COLEC10: variants seen among roughly 807,000 people sequenced by gnomAD.
The protein encoded by COLEC10 is collectin-10.
COLEC10 carries 22 observed loss-of-function variants against 28.4 expected under a neutral mutation model. The ratio of observed to expected loss-of-function variants is 0.78; its 90% CI spans 0.55 to 1.11. The LOEUF (loss-of-function observed/expected upper bound fraction) is 1.11. Ranked by LOEUF, COLEC10 falls within the 50% of genes least tolerant of loss-of-function variation. COLEC10 has a pLI of 0.00. For missense variants in COLEC10, 361 were observed against 344.1 expected (o/e 1.05, Z -0.39); for synonymous variants, 125 against 116.1 (o/e 1.08, Z -0.49).
At chr8:119,062,019 A>G (rs1814864700) in intron 2 of COLEC10, among the ~76,000 whole-genome samples, 1 of 152,188 alleles carries the variant, frequency 6.6e-6, no homozygotes, top group Non-Finnish European at 1.5e-5. Flanking sequence ...AAAAAAACCA[A>G]CACCACAATT....
the COLEC10 span, among the ~76,000 whole-genome samples, chr8:118,989,350 A>C: frequency 6.6e-6 from 1 of 152,104 alleles, no homozygotes; most frequent in Non-Finnish European, 1.5e-5. Context: ...GAAAATCCAA[A>C]CTATGTGACA....
intron 2 of COLEC10, among the ~76,000 whole-genome samples, chr8:119,049,803 A>G (rs1399566258): frequency 1.3e-5 from 2 of 152,202 alleles, no homozygotes; most frequent in Non-Finnish European, 2.9e-5. Context: ...CCTGCAAATG[A>G]ATCATACTAT....
At chr8:118,998,550 AG>A (rs1813632291) in intron 1 of COLEC10, among the ~76,000 whole-genome samples, 1 of 152,070 alleles carries the variant, frequency 6.6e-6, no homozygotes, top group Non-Finnish European at 1.5e-5. Flanking sequence ...TAAAAATTTA[AG>A]AACTTGGCCA....
the COLEC10 span, among the ~76,000 whole-genome samples, chr8:118,962,565 T>C: frequency 6.6e-6 from 1 of 152,204 alleles, no homozygotes; most frequent in Non-Finnish European, 1.5e-5. Flanking sequence ...GCATATTCAA[T>C]ACCTCCCAAC....
At chr8:119,099,172 T>C (rs17179583) in intron 3 of COLEC10, among the ~76,000 whole-genome samples, 15,921 of 152,082 alleles carry the variant, frequency 0.1, 1,097 homozygotes, top group Middle Eastern at 0.19. Context: ...ATTCAACTTT[T>C]AGACAGTTAT....
chr8:118,963,936 TG>T, the COLEC10 span, among the ~76,000 whole-genome samples: 1 of 152,110 alleles, frequency 6.6e-6, no homozygotes, highest in Admixed American at 6.5e-5. Context: ...TTGCCCTCCT[TG>T]GGGGGATGCA....
chr8:119,048,260 T>C (rs897842866), intron 2 of COLEC10, among the ~76,000 whole-genome samples: 1 of 152,238 alleles, frequency 6.6e-6, no homozygotes, highest in Non-Finnish European at 1.5e-5. Flanking sequence ...TTTCTGTTCC[T>C]GCATTAACTC....
chr8:118,987,586 A>G, the COLEC10 span, among the ~76,000 whole-genome samples: 1 of 152,172 alleles, frequency 6.6e-6, no homozygotes, highest in Non-Finnish European at 1.5e-5. Flanking sequence ...AGAAAGACTG[A>G]TTACATACTC....
chr8:119,091,320 G>A (rs901393210), intron 3 of COLEC10, 100 bp downstream of exon 3: 2 of 830,922 alleles, frequency 2.4e-6, no homozygotes, highest in Non-Finnish European at 3.9e-6. Context: ...GACCGAGGTG[G>A]GAGGATACCT....
chr8:119,062,845 T>G (rs901511265), upstream of COLEC10: 1 of 152,216 alleles, frequency 6.6e-6, no homozygotes, highest in Non-Finnish European at 1.5e-5. Context: ...ATTATGTGTT[T>G]GCATGTTACT....
chr8:119,078,302 A>G (rs1815296104), intron 1 of COLEC10, among the ~76,000 whole-genome samples: 1 of 152,198 alleles, frequency 6.6e-6, no homozygotes, highest in South Asian at 2.1e-4. Context: ...TATCTGATCC[A>G]GTCAACCAAA....
the COLEC10 span, among the ~76,000 whole-genome samples, chr8:118,978,348 C>A: frequency 2.0e-5 from 3 of 152,036 alleles, no homozygotes; most frequent in South Asian, 6.2e-4. Context: ...AAATATCCAA[C>A]CAAAATTTGA....
At chr8:118,975,882 T>C in the COLEC10 span, among the ~76,000 whole-genome samples, 1 of 152,010 alleles carries the variant, frequency 6.6e-6, no homozygotes, top group South Asian at 2.1e-4. Context: ...ACCGTGACCT[T>C]GAGCTGACCA....
At chr8:119,058,204 A>T (rs1041735811) in intron 2 of COLEC10, among the ~76,000 whole-genome samples, 3 of 152,036 alleles carry the variant, frequency 2.0e-5, no homozygotes, top group Admixed American at 2.0e-4. Flanking sequence ...GAGAATTATA[A>T]CTATTCCAAG....
At position 119,072,827 on chromosome 8, in the gene COLEC10, C is replaced by T. The variant is rs188574868; in HGVS notation, c.148+5398C>T. On this transcript the variant is annotated intron_variant, in intron 1 of 5. Coordinates refer to ENST00000332843, the MANE Select transcript of COLEC10 (RefSeq NM_006438.5). ...GAGTAAAGCCTTACAGCACTCACCCCTATCCTCTGGGATAATTCCTTTCTC... is the reference window on the plus strand; with the variant it reads ...GAGTAAAGCCTTACAGCACTCACCCTTATCCTCTGGGATAATTCCTTTCTC... Among the ~76,000 whole-genome samples the T allele has an allele frequency of 7.0e-3, 1,067 of 152,336 alleles. 11 individuals are homozygous for T. The highest frequency in any genetic ancestry group is 0.012 in the Non-Finnish European group (831 of 68,026).
intron 5 of COLEC10, 87 bp from the exon 6 acceptor site, chr8:119,105,713 T>C (rs1815923206): frequency 1.7e-6 from 2 of 1,190,528 alleles, no homozygotes; most frequent in African/African-American, 1.6e-5. Flanking sequence ...ATTGAATAAA[T>C]AAATGTAAAT....
At chr8:119,045,318 G>A (rs1265035014) in intron 2 of COLEC10, among the ~76,000 whole-genome samples, 1 of 152,194 alleles carries the variant, frequency 6.6e-6, no homozygotes. Context: ...GGCAAACCAA[G>A]ACTCTGCATA....
intron 1 of COLEC10, among the ~76,000 whole-genome samples, chr8:119,006,544 A>G (rs1813801191): frequency 6.6e-6 from 1 of 152,058 alleles, no homozygotes; most frequent in Non-Finnish European, 1.5e-5. Flanking sequence ...CACTTAACAA[A>G]GGGGCTGACA....
the COLEC10 span, among the ~76,000 whole-genome samples, chr8:118,967,061 C>T: frequency 6.6e-6 from 1 of 152,098 alleles, no homozygotes; most frequent in Admixed American, 6.6e-5. Context: ...AGTTTCTGCA[C>T]TTCTTTCAGT....
Sources: allele counts gnomAD v4.1 joint callset (sites outside exome capture counted in the v4.1 genomes callset), GRCh38; gene constraint gnomAD v4.1.1; transcripts MANE v1.5; gene names NCBI Gene and HGNC (gene_info 2026-07-23, HGNC 2026-07-21).